Variants in CACNA1C observed in about 807,000 individuals in gnomAD.
The protein encoded by CACNA1C is calcium voltage-gated channel subunit alpha1 C, also known as voltage-dependent L-type calcium channel subunit alpha-1C.
CACNA1C carries 30 observed loss-of-function variants against 229.0 expected under a neutral mutation model. The ratio of observed to expected loss-of-function variants is 0.13; its 90% CI spans 0.10 to 0.18. CACNA1C has a LOEUF of 0.18. Ranked by LOEUF, CACNA1C falls within the 10% of genes least tolerant of loss-of-function variation. The pLI, the probability that CACNA1C is intolerant of heterozygous loss-of-function variation, is 1.00. For synonymous variants in CACNA1C, 1,114 were observed against 1,132.5 expected (o/e 0.98, Z 0.33); for missense variants, 1,658 against 2,845.0 (o/e 0.58, Z 9.49).
intron 3 of CACNA1C, 126 bp from the exon 4 acceptor site, chr12:2,448,850 C>T (rs2099326459): frequency 2.8e-6 from 2 of 725,522 alleles, no homozygotes; most frequent in Non-Finnish European, 2.2e-6. Context: ...TGGGTGTCCC[C>T]ACTTGGTTCC....
intron 3 of CACNA1C, among the ~76,000 whole-genome samples, chr12:2,166,410 C>T (rs1043023987): frequency 5.3e-5 from 8 of 152,146 alleles, no homozygotes; most frequent in Non-Finnish European, 1.2e-4. Flanking sequence ...TAGCCTTGGG[C>T]GTTTATTAGG....
At chr12:2,338,250 C>T (rs1007146480) in intron 3 of CACNA1C, among the ~76,000 whole-genome samples, 3 of 152,176 alleles carry the variant, frequency 2.0e-5, no homozygotes, top group Admixed American at 2.0e-4. Flanking sequence ...CAGCAAACGT[C>T]TTCTGAATCA....
At chr12:2,226,863 A>C (rs2063159420) in intron 3 of CACNA1C, among the ~76,000 whole-genome samples, 1 of 152,222 alleles carries the variant, frequency 6.6e-6, no homozygotes, top group Non-Finnish European at 1.5e-5. Context: ...TCACAGTGCA[A>C]ATTCTTTTCT....
intron 5 of CACNA1C, among the ~76,000 whole-genome samples, chr12:2,481,154 C>G (rs4765943): frequency 0.016 from 2,475 of 152,056 alleles, 24 homozygotes; most frequent in Non-Finnish European, 0.026. Context: ...GAGCAGAACA[C>G]TTCATCCCAA....
chr12:2,529,043 A>T (rs1433248296), intron 9 of CACNA1C, among the ~76,000 whole-genome samples: 1 of 152,156 alleles, frequency 6.6e-6, no homozygotes, highest in Non-Finnish European at 1.5e-5. Flanking sequence ...TACATCAGAG[A>T]TGTTATCTGT....
intron 29 of CACNA1C, among the ~76,000 whole-genome samples, chr12:2,616,062 C>T (rs909185922): frequency 6.6e-6 from 1 of 152,148 alleles, no homozygotes; most frequent in Admixed American, 6.5e-5. Flanking sequence ...AAGAGGAGGA[C>T]GCTGGAAGGG....
intron 3 of CACNA1C, among the ~76,000 whole-genome samples, chr12:2,260,259 CT>C (rs925294359): frequency 6.6e-6 from 1 of 152,058 alleles, no homozygotes; most frequent in African/African-American, 2.4e-5. Flanking sequence ...AGGAAGATTG[CT>C]TGAGCCTAGG....
At chr12:2,255,461 G>A (rs1341287190) in intron 3 of CACNA1C, among the ~76,000 whole-genome samples, 1 of 152,154 alleles carries the variant, frequency 6.6e-6, no homozygotes, top group Non-Finnish European at 1.5e-5. Flanking sequence ...AGAGATGTCT[G>A]AACTGCCAGG....
chr12:2,421,755 C>CA (rs1348284300), intron 3 of CACNA1C, among the ~76,000 whole-genome samples: 1 of 152,048 alleles, frequency 6.6e-6, no homozygotes, highest in South Asian at 2.1e-4. Flanking sequence ...TACCAAAATA[C>CA]AAAAAATTAG....
intron 3 of CACNA1C, among the ~76,000 whole-genome samples, chr12:2,266,806 G>A (rs1220733438): frequency 8.5e-5 from 13 of 152,314 alleles, no homozygotes; most frequent in Admixed American, 7.8e-4. Context: ...GTAAGGGCTC[G>A]AGCTGGGCAG....
chr12:2,004,080 TCCA>T, intron 1 of CACNA1C: 1 of 696,832 alleles, frequency 1.4e-6, no homozygotes, highest in Non-Finnish European at 2.4e-6. Context: ...TTTCCCCAAC[TCCA>T]GGTAGCTCCA....
Position 2,677,758 on chromosome 12 carries a change from T to C in CACNA1C, c.4982T>C (p.Ile1661Thr), listed in dbSNP as rs1056487072. 1 of 1,613,728 alleles carries C rather than the reference T, an allele frequency of 6.2e-7. No individual in the cohort carries two copies. The highest frequency in any genetic ancestry group is 1.7e-4 in the Middle Eastern group (1 of 6,042). Reference sequence around the variant, plus strand: ...GCTGGCTTGCGCACACTGCATGACATCGGGCCTGAGATCCGACGGGCCATC... The same window carrying C: ...GCTGGCTTGCGCACACTGCATGACACCGGGCCTGAGATCCGACGGGCCATC... ...LQAGLRTLHD[I>T]GPEIRRAISG... The change falls in exon 41 of 47, where the codon ATC (isoleucine) becomes ACC (threonine). Residue 1661 changes from isoleucine to threonine, a missense_variant. Ile to Thr is a moderately conservative substitution (Grantham distance 89, BLOSUM62 -1). This residue lies in a region of CACNA1C where 590 missense variants were observed against 700.8 expected (regional missense o/e 0.84). Coordinates refer to ENST00000399655, the MANE Select transcript of CACNA1C (RefSeq NM_000719.7). This position sits in a 1 kb window ranked among gnomAD's most constrained non-coding sequence, Gnocchi z 7.4.
chr12:2,172,351 C>G (rs1423191797), intron 3 of CACNA1C, among the ~76,000 whole-genome samples: 1 of 152,236 alleles, frequency 6.6e-6, no homozygotes, highest in Middle Eastern at 3.2e-3. Context: ...CCTTTCCAGA[C>G]TCTTGTCACA....
At position 2,155,297 on chromosome 12, in the gene CACNA1C, T is replaced by G. The variant is rs537802501; in HGVS notation, c.477+34867T>G. Among the ~76,000 whole-genome samples, 5 of 152,226 alleles carry G rather than the reference T, an allele frequency of 3.3e-5. No individual in the cohort carries two copies. The East Asian group carries it at 9.7e-4, about 29-fold the overall frequency. On this transcript the variant is annotated intron_variant, in intron 3 of 46. Transcript: ENST00000399655. The stretch of plus-strand genomic sequence containing the variant: ...GTGCTCTTCAGGGTCCCGGAGATCA[T>G]GTACTAGAACACCTTTCCTCCACAG...
At chr12:2,059,449 A>G (rs1019277509) in intron 1 of CACNA1C, among the ~76,000 whole-genome samples, 1 of 152,072 alleles carries the variant, frequency 6.6e-6, no homozygotes, top group African/African-American at 2.4e-5. Flanking sequence ...GAACTAGAGG[A>G]AGGGTTCATC....
chr12:2,577,956 C>T (rs959070631), intron 13 of CACNA1C, among the ~76,000 whole-genome samples: 9 of 151,408 alleles, frequency 5.9e-5, no homozygotes, highest in Non-Finnish European at 1.2e-4. Flanking sequence ...GCAAGCTCCG[C>T]CTCCCGGGTT....
chr12:2,493,123 T>C lies in CACNA1C; in HGVS notation c.917-67T>C. Reference sequence around the variant, plus strand: ...TCATCCTGTCACTTTTCTCTCTGACTTCTTTCTCTGCCCACATCTCTCCCT... The same window carrying C: ...TCATCCTGTCACTTTTCTCTCTGACCTCTTTCTCTGCCCACATCTCTCCCT... On this transcript the variant is annotated intron_variant, in intron 6 of 46. Coordinates refer to ENST00000399655, the MANE Select transcript of CACNA1C (RefSeq NM_000719.7). The surrounding 1 kb of genome is among the most constrained non-coding windows in gnomAD (Gnocchi z 4.6). 1 of 1,402,502 alleles carries C rather than the reference T, an allele frequency of 7.1e-7. No homozygotes were observed. 86.9% of individuals were successfully genotyped at this position (1,402,502 alleles called of 1,614,324 possible). A position where few individuals can be genotyped will look rare whatever the true frequency, so the allele number is the denominator to read the frequency against.
chr12:2,657,617 G>T (rs988190533), intron 34 of CACNA1C, among the ~76,000 whole-genome samples: 3 of 152,110 alleles, frequency 2.0e-5, no homozygotes, highest in Admixed American at 6.5e-5. Flanking sequence ...AAATGAGATG[G>T]CAGGAATAAG....
At chr12:2,225,943 A>C (rs2062829301) in intron 3 of CACNA1C, among the ~76,000 whole-genome samples, 1 of 152,174 alleles carries the variant, frequency 6.6e-6, no homozygotes. Flanking sequence ...ACAAGTCTGT[A>C]TACATCTGAC....
Sources: gnomAD v4.1 joint callset for allele counts (sites outside exome capture counted in the v4.1 genomes callset) on GRCh38, gnomAD v4.1.1 for gene constraint, gnomAD v4.1.1 regional missense constraint, Gnocchi (gnomAD v3.1) non-coding constraint, MANE v1.5 for transcripts, NCBI Gene and HGNC (gene_info 2026-07-23, HGNC 2026-07-21) for gene names.